The following ACLY variants were observed in gnomAD, a reference collection of about 807,000 sequenced individuals.
ACLY encodes the protein ATP citrate lyase.
A neutral mutation model predicts 133.0 loss-of-function variants in ACLY; 41 were observed. That is an observed-to-expected ratio of 0.31 (90% confidence interval 0.24 to 0.40). The LOEUF (loss-of-function observed/expected upper bound fraction) is 0.40, where lower values mean the gene tolerates loss of function less well. Among genes scored for constraint, ACLY ranks in the 10% least tolerant of loss-of-function variants. The probability of loss-of-function intolerance (pLI) is 1.00; values close to 1 mark genes in which losing one functional copy is unlikely to be tolerated. For synonymous variants in ACLY, 495 were observed against 549.3 expected (o/e 0.90, Z 1.38); for missense variants, 1,046 against 1,453.8 (o/e 0.72, Z 4.56).
At chr17:41,893,544 T>G (rs189803881) in intron 14 of ACLY, among the ~76,000 whole-genome samples, 1 of 152,350 alleles carries the variant, frequency 6.6e-6, no homozygotes, top group East Asian at 1.9e-4. Flanking sequence ...CTTAACAAAT[T>G]ATTTTTAAAG....
chr17:41,904,095 C>T (rs1033380074), intron 10 of ACLY, among the ~76,000 whole-genome samples: 1 of 137,230 alleles, frequency 7.3e-6, no homozygotes, highest in African/African-American at 2.7e-5. Context: ...CCAGCCTCAA[C>T]AACAAGAGTG....
chr17:41,921,498 A>G (rs1248262718), upstream of ACLY, among the ~76,000 whole-genome samples: 3 of 150,486 alleles, frequency 2.0e-5, no homozygotes, highest in East Asian at 3.9e-4. Context: ...AAAAAAAACA[A>G]AAAAGAAAAA....
chr17:41,922,434 G>A (rs1555635542), upstream of ACLY, among the ~76,000 whole-genome samples: 2 of 150,820 alleles, frequency 1.3e-5, no homozygotes, highest in African/African-American at 4.9e-5. Flanking sequence ...ATCAGCCTGG[G>A]TGACAGAGTG....
chr17:41,878,573 A>G (rs1186574807), intron 21 of ACLY, among the ~76,000 whole-genome samples: 1 of 152,194 alleles, frequency 6.6e-6, no homozygotes, highest in Non-Finnish European at 1.5e-5. Flanking sequence ...AGGTAGGCTC[A>G]GAAACTCAAC....
Position 41,869,486 on chromosome 17 carries a change from A to C in ACLY, c.3039T>G (p.Ile1013Met). The C allele has an allele frequency of 3.1e-6, 5 of 1,613,546 alleles. No individual in the cohort carries two copies. Among genetic ancestry groups the C allele is most frequent in the Non-Finnish European group, 4.2e-6 (5 of 1,179,596 alleles). ...TTTTCTTTGTTACCTTCGAGGTGGT[A>C]ATCTTCTCTACTTCCAGTGCATAAT... The part of the protein sequence containing the change: ...LLDYALEVEK[I>M]TTSKKPNLIL... The change falls in exon 26 of 29, where the codon ATT (isoleucine) becomes ATG (methionine). Residue 1013 changes from isoleucine (I) to methionine (M), a missense_variant. Coordinates refer to ENST00000352035, the MANE Select transcript of ACLY (RefSeq NM_001096.3).
upstream of ACLY, among the ~76,000 whole-genome samples, chr17:41,919,377 C>G (rs1014239626): frequency 1.3e-5 from 2 of 152,206 alleles, no homozygotes; most frequent in African/African-American, 4.8e-5. Context: ...CTTGCTCCTT[C>G]CCTTGGGAGA....
intron 16 of ACLY, among the ~76,000 whole-genome samples, chr17:41,889,829 G>A (rs1400796696): frequency 6.6e-6 from 1 of 151,948 alleles, no homozygotes; most frequent in African/African-American, 2.4e-5. Context: ...GGCACTACAG[G>A]TGTCTGCCAC....
At chr17:41,901,238 G>C (rs1244655214) in intron 11 of ACLY, among the ~76,000 whole-genome samples, 1 of 151,900 alleles carries the variant, frequency 6.6e-6, no homozygotes, top group African/African-American at 2.4e-5. Context: ...TGAGCCACCT[G>C]TGCCCAGCCT....
chr17:41,907,792 G>C (rs2049767867), intron 6 of ACLY, among the ~76,000 whole-genome samples: 1 of 152,170 alleles, frequency 6.6e-6, no homozygotes, highest in Non-Finnish European at 1.5e-5. Flanking sequence ...CTGACCTATA[G>C]GCAATGGGAC....
chr17:41,886,241 G>A lies in ACLY; in HGVS notation c.1943C>T (p.Ala648Val). ...GCTGCCTGGGCGGTACAGTTTGGAG[G>A]CCAGGATGTTGTCCAGCATCCCACC... ...NTGGMLDNIL[A>V]SKLYRPGSVA... is the part of the protein sequence containing the mutation. The change falls in exon 18 of 29, where the codon GCC (alanine) becomes GTC (valine). Residue 648 changes from alanine to valine, a missense_variant. Transcript: ENST00000352035. 3 of 1,614,148 alleles carry A rather than the reference G, an allele frequency of 1.9e-6. No individual in the cohort carries two copies. The highest frequency in any genetic ancestry group is 1.1e-5 in the South Asian group (1 of 91,086).
chr17:41,872,747 A>C (rs1649690059), intron 23 of ACLY, among the ~76,000 whole-genome samples: 1 of 152,212 alleles, frequency 6.6e-6, no homozygotes, highest in Admixed American at 6.5e-5. Flanking sequence ...GCTATGCTCC[A>C]TGTGCCAGAC....
chr17:41,874,960 A>T (rs1555625793), intron 22 of ACLY, among the ~76,000 whole-genome samples: 7 of 150,430 alleles, frequency 4.7e-5, no homozygotes. Flanking sequence ...AGAGAGGCTC[A>T]GTAACCAGCC....
Position 41,909,029 on chromosome 17 carries a change from G to A in ACLY, c.576C>T (p.Tyr192=), listed in dbSNP as rs782408286. ...ASFISGLFNF[Y]EDLYFTYLEI... is the part of the protein sequence containing the mutation. ...CGAGGTAGGTGAAGTACAAGTCCTCGTAGAAATTGAAGAGGCCGGAGATAA... is the reference window on the plus strand; with the variant it reads ...CGAGGTAGGTGAAGTACAAGTCCTCATAGAAATTGAAGAGGCCGGAGATAA... Residue 192 remains tyrosine, a synonymous_variant, in exon 6 of 29, where the codon TAC becomes TAT. Coordinates refer to ENST00000352035, the MANE Select transcript of ACLY (RefSeq NM_001096.3). The A allele has an allele frequency of 2.8e-5, 45 of 1,613,324 alleles. 2 individuals carry two copies. The highest frequency in any genetic ancestry group is 1.5e-4 in the South Asian group (14 of 90,908).
At chr17:41,883,032 C>T (rs1288118074) in intron 20 of ACLY, 90 bp downstream of exon 20, 10 of 1,087,776 alleles carry the variant, frequency 9.2e-6, no homozygotes, top group South Asian at 4.4e-5. Context: ...GAACTAGCTG[C>T]GAATTAATAA....
intron 11 of ACLY, among the ~76,000 whole-genome samples, chr17:41,899,090 C>T (rs527783475): frequency 2.0e-5 from 3 of 152,230 alleles, no homozygotes; most frequent in Admixed American, 6.5e-5. Context: ...GCCTGGCCAA[C>T]GTGGTGAAAC....
chr17:41,890,332 TG>T (rs1270512603), intron 16 of ACLY, among the ~76,000 whole-genome samples: 5 of 151,598 alleles, frequency 3.3e-5, no homozygotes, highest in Admixed American at 3.3e-4. Flanking sequence ...ATTTTTATAA[TG>T]AAATGTTGGA....
At chr17:41,892,229 CGCA>C in intron 16 of ACLY, 47 bp downstream of exon 16, 1 of 1,150,894 alleles carries the variant, frequency 8.7e-7, no homozygotes, top group Non-Finnish European at 1.2e-6. Context: ...GATCTACCTG[CGCA>C]TAGTTCATGG....
intron 18 of ACLY, 114 bp downstream of exon 18, chr17:41,885,998 C>T (rs2049037632): frequency 1.0e-6 from 1 of 1,000,276 alleles, no homozygotes; most frequent in African/African-American, 1.6e-5. Context: ...ACTTCAGCAG[C>T]ATTCCTGCGG....
intron 23 of ACLY, among the ~76,000 whole-genome samples, chr17:41,873,409 G>A (rs1016637455): frequency 1.2e-4 from 18 of 152,104 alleles, no homozygotes; most frequent in Admixed American, 3.9e-4. Context: ...TTGAATTCCT[G>A]ACCTCAGGTG....
Sources: allele counts gnomAD v4.1 joint callset (sites outside exome capture counted in the v4.1 genomes callset), GRCh38; gene constraint gnomAD v4.1.1; transcripts MANE v1.5; gene names NCBI Gene and HGNC (gene_info 2026-07-23, HGNC 2026-07-21).